NHEJ1: variants seen among roughly 807,000 people sequenced by gnomAD.
NHEJ1 encodes non-homologous end joining factor 1.
In NHEJ1, 22 loss-of-function variants were observed where a neutral mutation model predicts 39.4. The observed-to-expected ratio is 0.56, with a 90% confidence interval of 0.40 to 0.80. The LOEUF is 0.80. Ranked by LOEUF, NHEJ1 falls within the 30% of genes least tolerant of loss-of-function variation. NHEJ1 has a pLI of 0.00. For missense variants in NHEJ1, 329 were observed against 357.1 expected (o/e 0.92, Z 0.63); for synonymous variants, 154 against 135.6 (o/e 1.14, Z -0.94).
Position 219,146,808 on chromosome 2 carries a change from G to A in NHEJ1, c.530-70C>T, listed in dbSNP as rs759409200. Reference sequence around the variant, plus strand: ...ATGAGTTTCTTACCTGATGGAAAGGGAACAGAACAGGGCTACTTAGGAAAG... The same window carrying A: ...ATGAGTTTCTTACCTGATGGAAAGGAAACAGAACAGGGCTACTTAGGAAAG... On this transcript the variant is annotated intron_variant, in intron 4 of 7. Coordinates refer to ENST00000356853, the MANE Select transcript of NHEJ1 (RefSeq NM_024782.3). 5.1e-6 allele frequency: 6 copies of A among 1,174,476 alleles called. No individual in the cohort carries two copies. In the African/African-American group the frequency reaches 7.5e-5, roughly 15 times the overall value. The allele number at this position is 1,174,476 out of a possible 1,614,324, so 72.8% of individuals were successfully genotyped here. A position where few individuals can be genotyped will look rare whatever the true frequency, so the allele number is the denominator to read the frequency against.
At chr2:219,096,193 A>G (rs923079409) in intron 5 of NHEJ1, among the ~76,000 whole-genome samples, 4 of 152,244 alleles carry the variant, frequency 2.6e-5, no homozygotes, top group Admixed American at 2.0e-4. Flanking sequence ...TAAAGTTGAT[A>G]GAACTTTGCA....
intron 5 of NHEJ1, among the ~76,000 whole-genome samples, chr2:219,112,195 A>C (rs541901381): frequency 6.6e-6 from 1 of 152,240 alleles, no homozygotes; most frequent in South Asian, 2.1e-4. Flanking sequence ...AGCAAGAGTC[A>C]TAAGGTAGAA....
At chr2:219,099,925 T>A (rs1009318089) in intron 5 of NHEJ1, among the ~76,000 whole-genome samples, 2 of 151,446 alleles carry the variant, frequency 1.3e-5, no homozygotes, top group African/African-American at 4.9e-5. Context: ...CGGGGAAGGG[T>A]AGGAAAAGAG....
rs111985333 is a variant in NHEJ1 at position 219,147,835 on chromosome 2, T to C, written c.391-40A>G. The C allele has an allele frequency of 2.7e-5, 44 of 1,608,738 alleles. 1 individual carries two copies. The highest frequency in any genetic ancestry group is 2.7e-4 in the African/African-American group (20 of 74,954). On this transcript the variant is annotated intron_variant, in intron 3 of 7. Transcript: ENST00000356853. ...ATATCAATTAGCCAAAAGACTCTTA[T>C]AAAGTACTTTCCAATTCAGTATTAG... is the stretch of plus-strand genomic sequence containing the variant.
intron 5 of NHEJ1, among the ~76,000 whole-genome samples, chr2:219,114,196 G>T (rs1225299690): frequency 6.6e-6 from 1 of 152,114 alleles, no homozygotes; most frequent in Non-Finnish European, 1.5e-5. Flanking sequence ...GCTTATGAAG[G>T]GGTCTCCTGA....
intron 5 of NHEJ1, among the ~76,000 whole-genome samples, chr2:219,135,645 C>T (rs138538769): frequency 1.4e-4 from 21 of 151,926 alleles, no homozygotes; most frequent in Middle Eastern, 3.4e-3. Context: ...ATCATCACTG[C>T]CTCACAAATC....
chr2:219,113,229 C>T (rs1392970561), intron 5 of NHEJ1, among the ~76,000 whole-genome samples: 2 of 152,068 alleles, frequency 1.3e-5, no homozygotes, highest in African/African-American at 4.8e-5. Flanking sequence ...AAACAATGTA[C>T]AGCAGAACCA....
chr2:219,108,755 C>T (rs1949336330), intron 5 of NHEJ1, among the ~76,000 whole-genome samples: 1 of 151,830 alleles, frequency 6.6e-6, no homozygotes, highest in African/African-American at 2.4e-5. Context: ...ATACAGATTA[C>T]TGAGATGGGC....
intron 5 of NHEJ1, among the ~76,000 whole-genome samples, chr2:219,080,439 G>A (rs1447989005): frequency 1.3e-5 from 2 of 151,824 alleles, no homozygotes; most frequent in South Asian, 2.1e-4. Flanking sequence ...GCAGCAGAAC[G>A]GCGTGAACCC....
intron 5 of NHEJ1, among the ~76,000 whole-genome samples, chr2:219,126,479 T>C (rs372178859): frequency 3.0e-4 from 45 of 152,374 alleles, no homozygotes; most frequent in African/African-American, 1.0e-3. Context: ...TATATTTGTG[T>C]TGAACTTTAC....
At chr2:219,089,922 C>T (rs1479944744) in intron 5 of NHEJ1, among the ~76,000 whole-genome samples, 2 of 152,176 alleles carry the variant, frequency 1.3e-5, no homozygotes, top group Non-Finnish European at 2.9e-5. Flanking sequence ...CAGATACCTA[C>T]CAGTGGCTGA....
intron 3 of NHEJ1, among the ~76,000 whole-genome samples, chr2:219,155,262 T>A (rs1019962617): frequency 4.0e-5 from 6 of 151,650 alleles, no homozygotes; most frequent in African/African-American, 1.2e-4. Flanking sequence ...AAAGTTGAAA[T>A]GTTTTAAACG....
chr2:219,113,542 G>C (rs1364683921), intron 5 of NHEJ1, among the ~76,000 whole-genome samples: 1 of 152,030 alleles, frequency 6.6e-6, no homozygotes, highest in Non-Finnish European at 1.5e-5. Flanking sequence ...CTCTGGCTTT[G>C]TCCTTCTTCA....
rs971691287 is a variant in NHEJ1, at chr2:219,075,682, G to A, written c.*699C>T. 2.0e-5 allele frequency: 3 copies of A among 152,224 alleles called. No individual in the cohort carries two copies. The highest frequency in any genetic ancestry group is 4.4e-5 in the Non-Finnish European group (3 of 68,070). 9.4% of individuals were successfully genotyped at this position (152,224 alleles called of 1,614,324 possible). Reference sequence around the variant, plus strand: ...CGGGAGGATTGATAAACTACCCCACGTGGTAGTTTAACCTGTTGCCTATAC... The same window carrying A: ...CGGGAGGATTGATAAACTACCCCACATGGTAGTTTAACCTGTTGCCTATAC... On this transcript the variant is annotated 3_prime_UTR_variant, in exon 8 of 8. Coordinates refer to ENST00000356853, the MANE Select transcript of NHEJ1 (RefSeq NM_024782.3).
rs1949600677 is a variant in NHEJ1, at chr2:219,133,869, C to T, written c.588+12811G>A. ...AATCCCACAGAAAGAACTAATCCTT[C>T]CCCTTGGCTCAACTCCACAGGTCCC... On this transcript the variant is annotated intron_variant, in intron 5 of 7. Coordinates refer to ENST00000356853, the MANE Select transcript of NHEJ1 (RefSeq NM_024782.3). Among the ~76,000 whole-genome samples the T allele has an allele frequency of 2.0e-5, 3 of 152,204 alleles. No individual in the cohort carries two copies. The South Asian group carries it at 6.2e-4, about 32-fold the overall frequency.
Position 219,076,445 on chromosome 2 carries a change from C to T in NHEJ1, c.836G>A (p.Gly279Asp). The change falls in exon 8 of 8, where the codon GGC becomes GAC. Residue 279 changes from glycine to aspartate, a missense_variant. Coordinates refer to ENST00000356853, the MANE Select transcript of NHEJ1 (RefSeq NM_024782.3). ...TGACAGCTGAGGTCTCTGCAGAGGG[C>T]CTGAAGTACCCTAGAAAAAAGGGAA... is the stretch of plus-strand genomic sequence containing the variant. ...APEKESTGTS[G>D]PLQRPQLSKV... 2 of 1,613,822 alleles carry T rather than the reference C, an allele frequency of 1.2e-6. No individual in the cohort carries two copies. Among genetic ancestry groups the T allele is most frequent in the Non-Finnish European group, 1.7e-6 (2 of 1,179,950 alleles).
intron 5 of NHEJ1, among the ~76,000 whole-genome samples, chr2:219,145,722 C>T (rs932535499): frequency 4.6e-5 from 7 of 151,998 alleles, no homozygotes; most frequent in East Asian, 3.9e-4. Context: ...CACCTGAGGT[C>T]GGGAGTTCCA....
chr2:219,131,489 A>C (rs1365694285), intron 5 of NHEJ1, among the ~76,000 whole-genome samples: 1 of 152,238 alleles, frequency 6.6e-6, no homozygotes, highest in Non-Finnish European at 1.5e-5. Flanking sequence ...GCTACTTGTT[A>C]AACACAGGAA....
intron 5 of NHEJ1, among the ~76,000 whole-genome samples, chr2:219,122,206 A>G (rs1949477861): frequency 6.6e-6 from 1 of 152,172 alleles, no homozygotes; most frequent in South Asian, 2.1e-4. Context: ...AAGAAGTCAC[A>G]AAAATTTTAC....
Sources: gnomAD v4.1 joint callset for allele counts (sites outside exome capture counted in the v4.1 genomes callset) on GRCh38, gnomAD v4.1.1 for gene constraint, MANE v1.5 for transcripts, NCBI Gene and HGNC (gene_info 2026-07-23, HGNC 2026-07-21) for gene names.